Variants in ENOX1 observed in about 807,000 individuals in gnomAD.
ENOX1 encodes the protein candidate growth-related and time keeping constitutive hydroquinone (NADH) oxidase.
Under a neutral mutation model 82.5 loss-of-function variants are expected in ENOX1, and 42 were observed. The ratio of observed to expected loss-of-function variants is 0.51; its 90% CI spans 0.40 to 0.66. The LOEUF (loss-of-function observed/expected upper bound fraction) is 0.66, where lower values mean the gene tolerates loss of function less well. Ranked by LOEUF, ENOX1 falls within the 30% of genes least tolerant of loss-of-function variation. ENOX1 has a pLI of 0.00. For synonymous variants in ENOX1, 271 were observed against 282.2 expected, an observed-to-expected ratio of 0.96 and a Z score of 0.40; for missense variants, 608 against 811.6, an observed-to-expected ratio of 0.75 and a Z score of 3.05.
chr13:43,487,648 T>C (rs898501412), intron 2 of ENOX1, among the ~76,000 whole-genome samples: 2 of 152,162 alleles, frequency 1.3e-5, no homozygotes, highest in Non-Finnish European at 2.9e-5. Flanking sequence ...ATTATAAACT[T>C]AGCCTTAAAT....
In ENOX1 at chr13:43,721,376, C is replaced by CTTTT. The variant is rs761888585; in HGVS notation, c.-284-53836_-284-53833dup. Among the ~76,000 whole-genome samples, 1,050 of 107,576 alleles carry CTTTT rather than the reference C, an allele frequency of 9.8e-3. 93 individuals carry two copies. Among genetic ancestry groups the CTTTT allele is most frequent in the East Asian group, 0.032 (116 of 3,614 alleles). 70.6% of individuals were successfully genotyped at this position (107,576 alleles called of 152,430 possible). On this transcript the variant is annotated intron_variant, in intron 1 of 16. Transcript: ENST00000690772. ...GAAAAAGCTTTTATATATTTTATAT[C>CTTTT]TTTTTTTTTTTTTTTTTTTTGAGAC...
intron 12 of ENOX1, among the ~76,000 whole-genome samples, chr13:43,278,818 T>C (rs1593674293): frequency 6.6e-6 from 1 of 152,348 alleles, no homozygotes. Context: ...TTGCAATTTT[T>C]TCCTTTTATC....
At chr13:43,475,032 T>C (rs2058221818) in intron 3 of ENOX1, among the ~76,000 whole-genome samples, 1 of 152,126 alleles carries the variant, frequency 6.6e-6, no homozygotes. Flanking sequence ...GGAAGAGCAG[T>C]GAGTTGATTT....
At chr13:43,747,375 C>T (rs1950081530) in intron 1 of ENOX1, among the ~76,000 whole-genome samples, 1 of 152,310 alleles carries the variant, frequency 6.6e-6, no homozygotes, top group Non-Finnish European at 1.5e-5. Context: ...GGTCAAGTAA[C>T]TTCCTTTTAT....
intron 2 of ENOX1, among the ~76,000 whole-genome samples, chr13:43,527,072 T>G (rs192002086): frequency 1.8e-4 from 27 of 152,070 alleles, no homozygotes; most frequent in African/African-American, 6.5e-4. Flanking sequence ...CCTCCAGAAC[T>G]GTGAGAAATG....
chr13:43,387,993 C>T (rs571256968), intron 5 of ENOX1, among the ~76,000 whole-genome samples: 19 of 152,234 alleles, frequency 1.2e-4, no homozygotes, highest in African/African-American at 4.3e-4. Flanking sequence ...AGCTTTTCCC[C>T]AGCTGGAGAA....
chr13:43,756,285 C>T (rs1950632393), intron 1 of ENOX1, among the ~76,000 whole-genome samples: 1 of 151,856 alleles, frequency 6.6e-6, no homozygotes, highest in African/African-American at 2.4e-5. Context: ...AAATTAGCTA[C>T]CTGTGGTGGC....
At chr13:43,525,163 A>C (rs1051295962) in intron 2 of ENOX1, among the ~76,000 whole-genome samples, 2 of 152,158 alleles carry the variant, frequency 1.3e-5, no homozygotes, top group Admixed American at 1.3e-4. Context: ...GTGCAGTAGC[A>C]GTCATTGCAT....
Position 43,236,743 on chromosome 13 carries a change from A to G in ENOX1, c.1612-5T>C, listed in dbSNP as rs763922807. The G allele has an allele frequency of 1.3e-6, 2 of 1,553,862 alleles. No homozygotes were observed. The highest frequency in any genetic ancestry group is 2.2e-5 in the Admixed American group (1 of 44,560). The stretch of plus-strand genomic sequence containing the variant: ...AACTGTCAACACATTGATTTCCTAT[A>G]AAGTTAAAAGCCAAAAACCATATAT... On this transcript the variant is annotated splice_region_variant and splice_polypyrimidine_tract_variant and intron_variant, in intron 14 of 16. Coordinates refer to ENST00000690772, the MANE Select transcript of ENOX1 (RefSeq NM_001347969.2).
intron 2 of ENOX1, among the ~76,000 whole-genome samples, chr13:43,619,336 A>G (rs1485267103): frequency 2.0e-5 from 3 of 152,028 alleles, no homozygotes; most frequent in African/African-American, 7.2e-5. Context: ...AGATTCTCAG[A>G]GAGAATGCTT....
At chr13:43,736,255 T>A (rs771358929) in intron 1 of ENOX1, among the ~76,000 whole-genome samples, 8 of 152,202 alleles carry the variant, frequency 5.3e-5, no homozygotes, top group Non-Finnish European at 1.2e-4. Flanking sequence ...AAGAAAATTA[T>A]CAAAAATTGT....
chr13:43,589,896 CAAAAA>C (rs56787803), intron 2 of ENOX1, among the ~76,000 whole-genome samples: 2 of 108,882 alleles, frequency 1.8e-5, no homozygotes, highest in Non-Finnish European at 4.0e-5. Flanking sequence ...GTCTATTCTG[CAAAAA>C]AAAAAAAAAA....
intron 2 of ENOX1, among the ~76,000 whole-genome samples, chr13:43,616,186 C>CTAGATATATA (rs1566642235): frequency 0.015 from 107 of 6,950 alleles, 11 homozygotes; most frequent in African/African-American, 0.019. Context: ...ATCTATCTAT[C>CTAGATATATA]TATATATATA....
Position 43,356,109 on chromosome 13 carries a change from T to A in ENOX1, c.633A>T (p.Ser211=). Residue 211 remains serine (S), a synonymous_variant, in exon 8 of 17, where the codon TCA becomes TCT. Coordinates refer to ENST00000690772, the MANE Select transcript of ENOX1 (RefSeq NM_001347969.2). ...RLGSSTDKKD[S]GRLHVDFAQA... is the part of the protein sequence containing the mutation. Reference sequence around the variant, plus strand: ...GGGCAAAGTCCACATGAAGGCGGCCTGAATCCTTTTTGTCGGTGCTAGACC... The same window carrying A: ...GGGCAAAGTCCACATGAAGGCGGCCAGAATCCTTTTTGTCGGTGCTAGACC... The A allele has an allele frequency of 6.2e-7, 1 of 1,614,186 alleles. No individual in the cohort carries two copies. The highest frequency in any genetic ancestry group is 8.5e-7 in the Non-Finnish European group (1 of 1,180,030).
intron 2 of ENOX1, among the ~76,000 whole-genome samples, chr13:43,660,933 T>TA (rs1039759164): frequency 2.0e-5 from 3 of 152,206 alleles, no homozygotes; most frequent in Non-Finnish European, 4.4e-5. Flanking sequence ...ACAGCTGTTT[T>TA]AAGGTCTTTA....
At position 43,351,414 on chromosome 13, in the gene ENOX1, T is replaced by TA. The variant is rs397747918; in HGVS notation, c.823+4504_823+4505insT. On this transcript the variant is annotated intron_variant, in intron 8 of 16. Transcript: ENST00000690772. Reference sequence around the variant, plus strand: ...TTTCTTTTTATTTTATTTATTTATTTTATTTATTTATTTATTTATTTTTTA... The same window carrying TA: ...TTTCTTTTTATTTTATTTATTTATTTATATTTATTTATTTATTTATTTTTTA... 1.9e-4 allele frequency among the ~76,000 whole-genome samples: 14 copies of TA among 72,494 alleles called. No individual in the cohort carries two copies. The East Asian group carries it at 5.3e-3, about 27-fold the overall frequency. The allele number at this position is 72,494 out of a possible 152,430, so 47.6% of individuals were successfully genotyped here.
At chr13:43,294,859 A>C (rs994317478) in intron 12 of ENOX1, among the ~76,000 whole-genome samples, 2 of 152,228 alleles carry the variant, frequency 1.3e-5, no homozygotes, top group African/African-American at 4.8e-5. Flanking sequence ...TGCTAAAGAA[A>C]GAAGCCCAAC....
At chr13:43,637,183 T>A (rs1362994679) in intron 2 of ENOX1, among the ~76,000 whole-genome samples, 1 of 152,210 alleles carries the variant, frequency 6.6e-6, no homozygotes, top group African/African-American at 2.4e-5. Context: ...CCCAGCGTGT[T>A]CAGCCCAGAG....
At chr13:43,383,894 C>T (rs1295814381) in intron 5 of ENOX1, among the ~76,000 whole-genome samples, 1 of 152,230 alleles carries the variant, frequency 6.6e-6, no homozygotes, top group Non-Finnish European at 1.5e-5. Flanking sequence ...TCCTTCTTCT[C>T]TCCTTCCAGC....
Sources: gnomAD v4.1 joint callset for allele counts (sites outside exome capture counted in the v4.1 genomes callset) on GRCh38, gnomAD v4.1.1 for gene constraint, MANE v1.5 for transcripts, NCBI Gene and HGNC (gene_info 2026-07-23, HGNC 2026-07-21) for gene names.